Variants in CPPED1 observed in about 807,000 individuals in gnomAD.
CPPED1 encodes calcineurin like phosphoesterase domain containing 1, also known as serine/threonine-protein phosphatase CPPED1.
A neutral mutation model predicts 28.0 loss-of-function variants in CPPED1; 28 were observed. The ratio of observed to expected loss-of-function variants is 1.00; its 90% CI spans 0.74 to 1.37. The LOEUF is 1.37. Ranked by LOEUF, CPPED1 falls within the 40% of genes most tolerant of loss-of-function variation. The pLI, the probability that CPPED1 is intolerant of heterozygous loss-of-function variation, is 0.00. For synonymous variants in CPPED1, 198 were observed against 180.2 expected, an observed-to-expected ratio of 1.10 and a Z score of -0.79; for missense variants, 504 against 416.5, an observed-to-expected ratio of 1.21 and a Z score of -1.83.
intron 2 of CPPED1, among the ~76,000 whole-genome samples, chr16:12,747,208 T>C (rs1426590785): frequency 2.6e-5 from 4 of 151,840 alleles, no homozygotes; most frequent in Non-Finnish European, 5.9e-5. Context: ...GGTGGGCGGA[T>C]TGCTTGAGCC....
chr16:12,686,712 A>C (rs538330164), intron 3 of CPPED1, among the ~76,000 whole-genome samples: 1 of 152,308 alleles, frequency 6.6e-6, no homozygotes, highest in East Asian at 1.9e-4. Context: ...GGCAATTTGG[A>C]AATGAGAACC....
intron 3 of CPPED1, among the ~76,000 whole-genome samples, chr16:12,684,528 A>G (rs1485028433): frequency 4.6e-5 from 7 of 152,156 alleles, no homozygotes; most frequent in East Asian, 1.9e-4. Flanking sequence ...GCCTCTGCCC[A>G]TGTTGTGCCC....
At chr16:12,774,764 A>C (rs2080488209) in intron 2 of CPPED1, among the ~76,000 whole-genome samples, 1 of 151,992 alleles carries the variant, frequency 6.6e-6, no homozygotes, top group African/African-American at 2.4e-5. Flanking sequence ...TGAATGAATG[A>C]GTTAGTGGAT....
At chr16:12,734,069 T>TTTTTTTTTA in intron 2 of CPPED1, among the ~76,000 whole-genome samples, 1 of 120,672 alleles carries the variant, frequency 8.3e-6, no homozygotes, top group African/African-American at 3.1e-5. Context: ...TTTTTTTTTT[T>TTTTTTTTTA]TTTTTTTTTT....
intron 3 of CPPED1, among the ~76,000 whole-genome samples, chr16:12,672,506 C>G (rs937771020): frequency 7.2e-5 from 11 of 152,334 alleles, no homozygotes; most frequent in African/African-American, 1.7e-4. Context: ...TAGCACACTG[C>G]TGCAAAAACA....
intron 2 of CPPED1, among the ~76,000 whole-genome samples, chr16:12,759,065 G>A (rs143659441): frequency 3.3e-5 from 5 of 150,938 alleles, no homozygotes; most frequent in African/African-American, 1.2e-4. Flanking sequence ...CAGGGGGCTA[G>A]GGTAGCAGGA....
At chr16:12,698,230 T>C (rs770582484) in intron 3 of CPPED1, among the ~76,000 whole-genome samples, 29 of 152,094 alleles carry the variant, frequency 1.9e-4, no homozygotes, top group Non-Finnish European at 3.2e-4. Flanking sequence ...TATTCACCTA[T>C]TGGGGGGCTA....
chr16:12,666,827 T>C (rs1161515747), intron 3 of CPPED1, among the ~76,000 whole-genome samples: 2 of 152,220 alleles, frequency 1.3e-5, no homozygotes, highest in African/African-American at 4.8e-5. Flanking sequence ...TTTATATAAT[T>C]ATTAATAATG....
At chr16:12,776,041 G>A (rs2080495646) in intron 2 of CPPED1, among the ~76,000 whole-genome samples, 1 of 152,172 alleles carries the variant, frequency 6.6e-6, no homozygotes, top group Non-Finnish European at 1.5e-5. Context: ...CTGCAGATGG[G>A]ATTATGTTAA....
At chr16:12,694,754 G>C (rs1237182200) in intron 3 of CPPED1, among the ~76,000 whole-genome samples, 1 of 144,920 alleles carries the variant, frequency 6.9e-6, no homozygotes, top group African/African-American at 2.6e-5. Context: ...GGGGGCATGA[G>C]TGTGAGATAG....
At chr16:12,799,296 G>C (rs2080645180) in intron 1 of CPPED1, among the ~76,000 whole-genome samples, 1 of 148,024 alleles carries the variant, frequency 6.8e-6, no homozygotes, top group Non-Finnish European at 1.5e-5. Flanking sequence ...TCCTAGGCTA[G>C]AGTGCAGCGG....
intron 2 of CPPED1, among the ~76,000 whole-genome samples, chr16:12,756,253 T>C (rs1480216389): frequency 6.6e-6 from 1 of 152,204 alleles, no homozygotes; most frequent in Non-Finnish European, 1.5e-5. Context: ...GCTGTGGATG[T>C]AGTCAGTTAT....
intron 3 of CPPED1, among the ~76,000 whole-genome samples, chr16:12,688,661 G>C (rs1045864291): frequency 6.6e-6 from 1 of 152,100 alleles, no homozygotes; most frequent in Non-Finnish European, 1.5e-5. Context: ...TCTGCATTAA[G>C]TGTAATTCTC....
At position 12,801,019 on chromosome 16, in the gene CPPED1, C is replaced by T. The variant is rs117114980; in HGVS notation, c.70+2688G>A. 1.8e-4 allele frequency among the ~76,000 whole-genome samples: 27 copies of T among 152,290 alleles called. No homozygotes were observed. In the East Asian group the frequency reaches 4.2e-3, roughly 24 times the overall value. On this transcript the variant is annotated intron_variant, in intron 1 of 3. Transcript: ENST00000381774. The stretch of plus-strand genomic sequence containing the variant: ...GAGCATGTAACTTGAACCACTCCCC[C>T]GCCCCCAACTTCCTATTCTCCACCA...
intron 3 of CPPED1, among the ~76,000 whole-genome samples, chr16:12,694,496 C>T (rs559999945): frequency 6.6e-6 from 1 of 152,230 alleles, no homozygotes; most frequent in South Asian, 2.1e-4. Flanking sequence ...CATCACTTTA[C>T]ACCAGATGTA....
At chr16:12,740,007 G>A (rs1006497237) in intron 2 of CPPED1, among the ~76,000 whole-genome samples, 24 of 147,154 alleles carry the variant, frequency 1.6e-4, no homozygotes, top group African/African-American at 6.2e-4. Context: ...TTGTTATTAT[G>A]TGGAAAGAAA....
At position 12,696,066 on chromosome 16, in the gene CPPED1, G is replaced by A. The variant is rs1471315638; in HGVS notation, c.715+8558C>T. Among the ~76,000 whole-genome samples the A allele has an allele frequency of 2.0e-5, 3 of 152,148 alleles. 1 individual carries two copies. The highest frequency in any genetic ancestry group is 4.4e-5 in the Non-Finnish European group (3 of 68,032). On this transcript the variant is annotated intron_variant, in intron 3 of 3. Coordinates refer to ENST00000381774, the MANE Select transcript of CPPED1 (RefSeq NM_018340.3). ...GTAGCATGCCTTCCTCATCTACCCT[G>A]AAAACTCTCAGACTGGCTGTAATCG...
intron 3 of CPPED1, among the ~76,000 whole-genome samples, chr16:12,690,840 C>T (rs531936664): frequency 6.6e-6 from 1 of 152,252 alleles, no homozygotes; most frequent in Non-Finnish European, 1.5e-5. Flanking sequence ...GCTCCACGGA[C>T]CCTCACTTGG....
chr16:12,730,977 T>C (rs1461210496), intron 2 of CPPED1, among the ~76,000 whole-genome samples: 1 of 152,090 alleles, frequency 6.6e-6, no homozygotes, highest in Non-Finnish European at 1.5e-5. Flanking sequence ...GGCTTGAAAC[T>C]GCATGAAGCT....
Sources: allele counts gnomAD v4.1 joint callset (sites outside exome capture counted in the v4.1 genomes callset), GRCh38; gene constraint gnomAD v4.1.1; transcripts MANE v1.5; gene names NCBI Gene and HGNC (gene_info 2026-07-23, HGNC 2026-07-21).